The following PRELID2 variants were observed in gnomAD, a reference collection of about 807,000 sequenced individuals.
PRELID2 encodes PRELI domain containing 2.
Under a neutral mutation model 28.4 loss-of-function variants are expected in PRELID2, and 25 were observed. That is an observed-to-expected ratio of 0.88 (90% CI 0.64 to 1.23). The LOEUF (loss-of-function observed/expected upper bound fraction) is 1.23, where lower values mean the gene tolerates loss of function less well. PRELID2 is among the 50% of genes most tolerant of loss of function. The probability of loss-of-function intolerance (pLI) is 0.00; values close to 1 mark genes in which losing one functional copy is unlikely to be tolerated. For missense variants in PRELID2, 201 were observed against 214.4 expected, an observed-to-expected ratio of 0.94 and a Z score of 0.39; for synonymous variants, 76 against 71.6, an observed-to-expected ratio of 1.06 and a Z score of -0.31.
chr5:145,810,206 A>T (rs1753832459), intron 4 of PRELID2, among the ~76,000 whole-genome samples: 1 of 152,102 alleles, frequency 6.6e-6, no homozygotes, highest in Non-Finnish European at 1.5e-5. Flanking sequence ...GCTGACTTTA[A>T]TTTTTTCCTC....
chr5:145,818,620 G>T (rs1754541124), intron 3 of PRELID2, among the ~76,000 whole-genome samples: 1 of 152,130 alleles, frequency 6.6e-6, no homozygotes, highest in Non-Finnish European at 1.5e-5. Context: ...GGCAAAGGCA[G>T]GGTACACACT....
chr5:145,686,267 T>C (rs1755037043), intron 1 of PRELID2, among the ~76,000 whole-genome samples: 1 of 152,152 alleles, frequency 6.6e-6, no homozygotes, highest in South Asian at 2.1e-4. Context: ...ATCTGAGTTA[T>C]TCATTTTAAA....
rs80096116 is a variant in PRELID2, at chr5:145,638,615, A to G, written n.70+126316T>C. 6.6e-5 allele frequency among the ~76,000 whole-genome samples: 10 copies of G among 152,328 alleles called. No individual in the cohort carries two copies. The East Asian group carries it at 1.9e-3, about 29-fold the overall frequency. On this transcript the variant is annotated intron_variant and non_coding_transcript_variant, in intron 1 of 2. Coordinates refer to the PRELID2 transcript ENST00000510259. The stretch of plus-strand genomic sequence containing the variant: ...TGTTGAGTGAGTGAAGGACAGTGCC[A>G]TTGGCATGGGTCAGTTCAAGTACAT...
intron 1 of PRELID2, among the ~76,000 whole-genome samples, chr5:145,573,662 C>T (rs983125597): frequency 1.3e-5 from 2 of 152,164 alleles, no homozygotes; most frequent in Non-Finnish European, 2.9e-5. Flanking sequence ...ATCCATGTCC[C>T]TGCAAAGGAC....
At chr5:145,301,949 T>TTTTTTTTTTTTTTTTTTTG in the PRELID2 span, among the ~76,000 whole-genome samples, 1 of 136,858 alleles carries the variant, frequency 7.3e-6, no homozygotes, top group Non-Finnish European at 1.6e-5. Context: ...TTTTTTTTTT[T>TTTTTTTTTTTTTTTTTTTG]GCTAACTCTG....
chr5:145,247,118 C>A, the PRELID2 span, among the ~76,000 whole-genome samples: 1 of 152,158 alleles, frequency 6.6e-6, no homozygotes, highest in Admixed American at 6.6e-5. Context: ...TGACACCACA[C>A]CCAGACTTAT....
At chr5:145,310,717 A>G in the PRELID2 span, among the ~76,000 whole-genome samples, 3 of 152,148 alleles carry the variant, frequency 2.0e-5, no homozygotes, top group Non-Finnish European at 4.4e-5. Flanking sequence ...ATGGTCTCTT[A>G]GAAGGTTTTC....
At chr5:145,253,124 A>G in the PRELID2 span, among the ~76,000 whole-genome samples, 1 of 152,148 alleles carries the variant, frequency 6.6e-6, no homozygotes, top group Non-Finnish European at 1.5e-5. Context: ...CAACCAACTT[A>G]GTATTTCCTA....
chr5:145,248,039 C>A, the PRELID2 span, among the ~76,000 whole-genome samples: 1 of 152,070 alleles, frequency 6.6e-6, no homozygotes, highest in African/African-American at 2.4e-5. Context: ...AACTAATATA[C>A]CTTGTGAAAT....
At chr5:145,760,925 C>T (rs1757444079) in intron 6 of PRELID2, among the ~76,000 whole-genome samples, 1 of 152,208 alleles carries the variant, frequency 6.6e-6, no homozygotes, top group African/African-American at 2.4e-5. Context: ...GATGTGTCAA[C>T]AGCAATGCCA....
chr5:145,730,590 C>T (rs1756310581), intron 1 of PRELID2, among the ~76,000 whole-genome samples: 1 of 152,196 alleles, frequency 6.6e-6, no homozygotes, highest in Non-Finnish European at 1.5e-5. Context: ...TAGATAACTA[C>T]TCAGCATCCA....
intron 1 of PRELID2, among the ~76,000 whole-genome samples, chr5:145,594,086 G>T (rs1467725241): frequency 2.0e-5 from 3 of 152,056 alleles, no homozygotes; most frequent in Non-Finnish European, 4.4e-5. Context: ...TAGTGAATGG[G>T]GTATATAGGA....
At chr5:145,431,708 A>G in the PRELID2 span, among the ~76,000 whole-genome samples, 1 of 152,210 alleles carries the variant, frequency 6.6e-6, no homozygotes, top group Non-Finnish European at 1.5e-5. Flanking sequence ...GTAGTTTCCA[A>G]TGTATCCAGT....
At chr5:145,310,899 C>T in the PRELID2 span, among the ~76,000 whole-genome samples, 4 of 151,744 alleles carry the variant, frequency 2.6e-5, no homozygotes, top group Admixed American at 1.3e-4. Flanking sequence ...TTCCAATCTT[C>T]CCTTGAATAT....
the PRELID2 span, among the ~76,000 whole-genome samples, chr5:145,432,107 T>A: frequency 6.6e-6 from 1 of 152,188 alleles, no homozygotes; most frequent in South Asian, 2.1e-4. Flanking sequence ...TGCATATATG[T>A]ATATAAAAAG....
chr5:145,789,410 C>T (rs536941544), intron 5 of PRELID2, among the ~76,000 whole-genome samples: 1 of 152,220 alleles, frequency 6.6e-6, no homozygotes, highest in South Asian at 2.1e-4. Flanking sequence ...AAACCAGTCT[C>T]TTCAATAAAT....
the PRELID2 span, among the ~76,000 whole-genome samples, chr5:145,344,735 T>C: frequency 6.6e-6 from 1 of 152,120 alleles, no homozygotes; most frequent in Admixed American, 6.6e-5. Flanking sequence ...GCCAGTTAAA[T>C]AGTTACAAAT....
chr5:145,547,601 AG>A (rs1752799071), intron 1 of PRELID2, among the ~76,000 whole-genome samples: 2 of 152,198 alleles, frequency 1.3e-5, no homozygotes, highest in South Asian at 4.1e-4. Context: ...TAAAAAAAAA[AG>A]TGGGTACAAG....
At chr5:145,396,454 T>C in the PRELID2 span, among the ~76,000 whole-genome samples, 1 of 140,528 alleles carries the variant, frequency 7.1e-6, no homozygotes, top group Non-Finnish European at 1.5e-5. Context: ...AAGCCTAAAA[T>C]GTAAGAATGA....
Sources: allele counts gnomAD v4.1 joint callset (sites outside exome capture counted in the v4.1 genomes callset), GRCh38; gene constraint gnomAD v4.1.1; transcripts MANE v1.5; gene names NCBI Gene and HGNC (gene_info 2026-07-23, HGNC 2026-07-21).